CEP128: variants seen among roughly 807,000 people sequenced by gnomAD.
The protein encoded by CEP128 is centrosomal protein 128, also known as centrosomal protein 128kDa.
CEP128 carries 132 observed loss-of-function variants against 156.7 expected under a neutral mutation model. That is an observed-to-expected ratio of 0.84 (90% CI 0.73 to 0.97). The LOEUF (loss-of-function observed/expected upper bound fraction) is 0.97. Ranked by LOEUF, CEP128 falls within the 50% of genes least tolerant of loss-of-function variation. The probability of loss-of-function intolerance (pLI) is 0.00; values close to 1 mark genes in which losing one functional copy is unlikely to be tolerated. For synonymous variants in CEP128, 469 were observed against 448.9 expected (o/e 1.04, Z -0.57); for missense variants, 1,252 against 1,281.9 (o/e 0.98, Z 0.36).
chr14:80,663,932 T>C (rs896991715), intron 19 of CEP128, among the ~76,000 whole-genome samples: 1 of 152,226 alleles, frequency 6.6e-6, no homozygotes, highest in Non-Finnish European at 1.5e-5. Flanking sequence ...GCCAAATTTA[T>C]CTGCTAACTC....
intron 19 of CEP128, among the ~76,000 whole-genome samples, chr14:80,719,121 T>C (rs1156725984): frequency 2.0e-5 from 3 of 152,166 alleles, no homozygotes; most frequent in Admixed American, 2.0e-4. Context: ...ACCAGTGCAA[T>C]GACAGTTTAC....
Position 80,733,045 on chromosome 14 carries a change from C to T in CEP128, c.2806+10030G>A, listed in dbSNP as rs373697909. On this transcript the variant is annotated intron_variant, in intron 19 of 24. Transcript: ENST00000555265. ...TGAGATTAACATTTGAATCAGTAGA[C>T]CGAAAAAAAGCATATTGCCTCCACA... Among the ~76,000 whole-genome samples the T allele has an allele frequency of 2.4e-4, 37 of 152,114 alleles. 5 individuals carry two copies. Among genetic ancestry groups the T allele is most frequent in the Admixed American group, 8.5e-4 (13 of 15,264 alleles).
At chr14:80,681,410 T>C (rs564713489) in intron 19 of CEP128, among the ~76,000 whole-genome samples, 1 of 152,220 alleles carries the variant, frequency 6.6e-6, no homozygotes, top group African/African-American at 2.4e-5. Flanking sequence ...CTAACCAAAA[T>C]GGAAACTCAG....
At chr14:80,714,789 TA>T (rs1031388342) in intron 19 of CEP128, among the ~76,000 whole-genome samples, 29 of 147,066 alleles carry the variant, frequency 2.0e-4, no homozygotes, top group Admixed American at 9.5e-4. Flanking sequence ...GATCAAGACT[TA>T]AAAAAAAAAG....
intron 19 of CEP128, among the ~76,000 whole-genome samples, chr14:80,597,966 A>ACAAAAC (rs200033169): frequency 6.9e-6 from 1 of 144,810 alleles, no homozygotes; most frequent in Non-Finnish European, 1.5e-5. Context: ...AAAAAAAAAA[A>ACAAAAC]AAAACAAAAC....
In CEP128 at chr14:80,727,049, C is replaced by T. The variant is rs537808646; in HGVS notation, c.2806+16026G>A. Among the ~76,000 whole-genome samples, 7 of 152,186 alleles carry T rather than the reference C, an allele frequency of 4.6e-5. No homozygotes were observed. In the East Asian group the frequency reaches 1.4e-3, roughly 29 times the overall value. On this transcript the variant is annotated intron_variant, in intron 19 of 24. Coordinates refer to ENST00000555265, the MANE Select transcript of CEP128 (RefSeq NM_152446.5). Reference sequence around the variant, plus strand: ...GGAAAAGAAATAAGATGATTAGTCACCTGAACATGGTTATGGAGGCATGGA... The same window carrying T: ...GGAAAAGAAATAAGATGATTAGTCATCTGAACATGGTTATGGAGGCATGGA...
At chr14:80,816,111 T>A (rs1884841419) in intron 13 of CEP128, among the ~76,000 whole-genome samples, 1 of 152,210 alleles carries the variant, frequency 6.6e-6, no homozygotes, top group South Asian at 2.1e-4. Context: ...ATACATTTTT[T>A]AAAGAAATAC....
At chr14:80,693,171 T>C (rs1281160573) in intron 19 of CEP128, among the ~76,000 whole-genome samples, 6 of 152,180 alleles carry the variant, frequency 3.9e-5, no homozygotes, top group African/African-American at 1.4e-4. Context: ...TCCTAAAGCC[T>C]ACAGACCAAT....
At chr14:80,781,109 C>G (rs1044630305) in intron 15 of CEP128, among the ~76,000 whole-genome samples, 16 of 152,274 alleles carry the variant, frequency 1.1e-4, no homozygotes, top group Middle Eastern at 6.8e-3. Context: ...AGAGAATGAG[C>G]AGTCAAAAGT....
chr14:80,529,268 G>A (rs1015755639), intron 22 of CEP128, among the ~76,000 whole-genome samples: 2 of 152,192 alleles, frequency 1.3e-5, no homozygotes, highest in Admixed American at 6.5e-5. Context: ...CAAGCTAAAC[G>A]TTTCAATTTC....
intron 21 of CEP128, 138 bp from the exon 22 acceptor site, chr14:80,531,024 A>G: frequency 4.9e-6 from 2 of 404,562 alleles, no homozygotes; most frequent in Non-Finnish European, 9.0e-6. Flanking sequence ...AAGAACATAT[A>G]TAATAGTATT....
intron 19 of CEP128, among the ~76,000 whole-genome samples, chr14:80,708,078 T>C (rs188060961): frequency 1.6e-4 from 25 of 152,216 alleles, no homozygotes; most frequent in African/African-American, 6.0e-4. Flanking sequence ...CATTGCTGCA[T>C]ACTACTACAT....
chr14:80,601,072 T>TA (rs886927052), intron 19 of CEP128, among the ~76,000 whole-genome samples: 6 of 148,510 alleles, frequency 4.0e-5, no homozygotes, highest in East Asian at 2.0e-4. Flanking sequence ...AACTCAAAAA[T>TA]AAAAAAAAAG....
At chr14:80,570,671 G>C (rs1439964399) in intron 20 of CEP128, among the ~76,000 whole-genome samples, 1 of 152,064 alleles carries the variant, frequency 6.6e-6, no homozygotes, top group Non-Finnish European at 1.5e-5. Flanking sequence ...TAACAGCCCA[G>C]CAAAATGGAA....
At chr14:80,547,691 A>G (rs1021224301) in intron 21 of CEP128, among the ~76,000 whole-genome samples, 1 of 152,198 alleles carries the variant, frequency 6.6e-6, no homozygotes, top group Non-Finnish European at 1.5e-5. Context: ...ATATGATTAA[A>G]CTAGGGTAAG....
At chr14:80,510,192 A>G (rs1178110100) in intron 23 of CEP128, among the ~76,000 whole-genome samples, 4 of 151,402 alleles carry the variant, frequency 2.6e-5, no homozygotes, top group Non-Finnish European at 5.9e-5. Context: ...GTTGCACTGA[A>G]TTTGTAGATT....
At chr14:80,718,955 T>C (rs368907065) in intron 19 of CEP128, among the ~76,000 whole-genome samples, 5 of 152,302 alleles carry the variant, frequency 3.3e-5, no homozygotes, top group African/African-American at 9.6e-5. Context: ...ACAGAAAAGT[T>C]TTATAACCTT....
chr14:80,539,558 G>A (rs772495146), intron 21 of CEP128, among the ~76,000 whole-genome samples: 4 of 152,164 alleles, frequency 2.6e-5, no homozygotes, highest in Non-Finnish European at 5.9e-5. Context: ...CAGGACCACT[G>A]TGATAATTCT....
intron 18 of CEP128, among the ~76,000 whole-genome samples, chr14:80,751,631 C>CT (rs550491859): frequency 0.075 from 10,345 of 138,686 alleles, 1,142 homozygotes; most frequent in African/African-American, 0.24. Flanking sequence ...GTAAATATGT[C>CT]TTTTTTTTTT....
Sources: allele counts gnomAD v4.1 joint callset (sites outside exome capture counted in the v4.1 genomes callset), GRCh38; gene constraint gnomAD v4.1.1; transcripts MANE v1.5; gene names NCBI Gene and HGNC (gene_info 2026-07-23, HGNC 2026-07-21).